Variants in RHBDD1 observed in about 807,000 individuals in gnomAD.
RHBDD1 encodes the protein rhomboid-related protein 4.
Under a neutral mutation model 36.3 loss-of-function variants are expected in RHBDD1, and 38 were observed. The observed-to-expected ratio is 1.05, with a 90% CI of 0.81 to 1.37. The LOEUF (loss-of-function observed/expected upper bound fraction) is 1.37, where lower values mean the gene tolerates loss of function less well. Among genes scored for constraint, RHBDD1 ranks in the 40% most tolerant of loss-of-function variants. RHBDD1 has a pLI of 0.00. For missense variants in RHBDD1, 393 were observed against 377.6 expected (o/e 1.04, Z -0.34); for synonymous variants, 151 against 136.5 (o/e 1.11, Z -0.74).
At chr2:226,831,490 G>A (rs530591781), upstream of RHBDD1, among the ~76,000 whole-genome samples, 17 of 152,168 alleles carry the variant, frequency 1.1e-4, no homozygotes, top group Non-Finnish European at 2.4e-4. Flanking sequence ...CACATGTGGA[G>A]ATGCAGGCAG....
At chr2:226,969,733 T>C (rs1953083107) in intron 8 of RHBDD1, among the ~76,000 whole-genome samples, 1 of 152,246 alleles carries the variant, frequency 6.6e-6, no homozygotes, top group Non-Finnish European at 1.5e-5. Flanking sequence ...GAGTCACTTA[T>C]GCCTAAGTCA....
Position 226,839,072 on chromosome 2 carries a change from G to A in RHBDD1, c.-309-337G>A, listed in dbSNP as rs575419667. On this transcript the variant is annotated intron_variant, in intron 2 of 8. Transcript: ENST00000392062. ...TTTTTTAAAACACGAATTCTTAATA[G>A]CAAAGTGAAAAGTTTTACATTACAT... Among the ~76,000 whole-genome samples, 7 of 152,290 alleles carry A rather than the reference G, an allele frequency of 4.6e-5. No individual in the cohort carries two copies. The East Asian group carries it at 1.3e-3, about 29-fold the overall frequency.
At chr2:226,920,862 A>T (rs1407294039) in intron 8 of RHBDD1, among the ~76,000 whole-genome samples, 1 of 152,140 alleles carries the variant, frequency 6.6e-6, no homozygotes, top group Non-Finnish European at 1.5e-5. Context: ...TCAGGATAAT[A>T]CTGGCCTCAT....
At chr2:226,836,365 TGCCCACACTCG>T (rs1940959487) in intron 1 of RHBDD1, among the ~76,000 whole-genome samples, 1 of 152,212 alleles carries the variant, frequency 6.6e-6, no homozygotes, top group Non-Finnish European at 1.5e-5. Flanking sequence ...GGGAACGACG[TGCCCACACTCG>T]GAGGAAGGGG....
At chr2:226,840,932 A>T (rs556486352) in intron 3 of RHBDD1, among the ~76,000 whole-genome samples, 2 of 152,174 alleles carry the variant, frequency 1.3e-5, no homozygotes, top group African/African-American at 2.4e-5. Flanking sequence ...CTGTGAAAAA[A>T]ATTTCACTAC....
intron 8 of RHBDD1, among the ~76,000 whole-genome samples, chr2:226,953,343 T>C (rs527608585): frequency 6.6e-6 from 1 of 152,240 alleles, no homozygotes; most frequent in African/African-American, 2.4e-5. Context: ...CTTTTTGAAA[T>C]TGTGGAAAAA....
At chr2:226,994,750 G>A (rs1959037223) in intron 8 of RHBDD1, among the ~76,000 whole-genome samples, 1 of 152,130 alleles carries the variant, frequency 6.6e-6, no homozygotes, top group East Asian at 1.9e-4. Context: ...CTGGGAGAAT[G>A]CTTTCTTATG....
At chr2:226,992,013 CTTT>C (rs1208003560) in intron 8 of RHBDD1, among the ~76,000 whole-genome samples, 1 of 152,226 alleles carries the variant, frequency 6.6e-6, no homozygotes, top group African/African-American at 2.4e-5. Flanking sequence ...TGTCCAGATT[CTTT>C]CCTGTGTGCT....
chr2:226,858,405 A>G (rs1943532483), intron 3 of RHBDD1, among the ~76,000 whole-genome samples: 1 of 152,194 alleles, frequency 6.6e-6, no homozygotes, highest in South Asian at 2.1e-4. Context: ...AATCTTCAGA[A>G]CAGCATTTGA....
intron 8 of RHBDD1, among the ~76,000 whole-genome samples, chr2:226,920,701 A>C (rs1949248204): frequency 6.6e-6 from 1 of 152,130 alleles, no homozygotes; most frequent in Non-Finnish European, 1.5e-5. Flanking sequence ...GCTTATGTTA[A>C]ACCATCCTTG....
chr2:226,908,902 A>G, intron 7 of RHBDD1, 24 bp downstream of exon 7: 1 of 1,453,494 alleles, frequency 6.9e-7, no homozygotes, highest in Non-Finnish European at 9.6e-7. Context: ...TTCATTTAAT[A>G]AATTTTAACT....
At chr2:226,886,718 A>C (rs1946244148) in intron 5 of RHBDD1, among the ~76,000 whole-genome samples, 1 of 152,246 alleles carries the variant, frequency 6.6e-6, no homozygotes, top group South Asian at 2.1e-4. Flanking sequence ...CTTGAGAACT[A>C]ACTCCCTAAT....
intron 5 of RHBDD1, among the ~76,000 whole-genome samples, chr2:226,904,156 GGC>G (rs1559252092): frequency 6.6e-6 from 1 of 152,180 alleles, no homozygotes; most frequent in Non-Finnish European, 1.5e-5. Context: ...TTTGTGGAAA[GGC>G]AGAGGGTTCA....
At chr2:226,866,547 G>A (rs1349145070) in intron 4 of RHBDD1, among the ~76,000 whole-genome samples, 1 of 152,218 alleles carries the variant, frequency 6.6e-6, no homozygotes, top group East Asian at 1.9e-4. Context: ...CTACAGATTA[G>A]CTGTGTGATG....
chr2:226,868,311 C>T, intron 5 of RHBDD1, among the ~76,000 whole-genome samples: 1 of 152,164 alleles, frequency 6.6e-6, no homozygotes, highest in East Asian at 1.9e-4. Flanking sequence ...AGAGACTTAT[C>T]AACAAACAGT....
At chr2:226,941,792 A>T (rs925545978) in intron 8 of RHBDD1, among the ~76,000 whole-genome samples, 1 of 152,244 alleles carries the variant, frequency 6.6e-6, no homozygotes, top group Admixed American at 6.5e-5. Flanking sequence ...GCACATACCC[A>T]TAACACAGGC....
intron 1 of RHBDD1, among the ~76,000 whole-genome samples, chr2:226,837,255 T>C (rs916089845): frequency 3.3e-5 from 5 of 152,234 alleles, no homozygotes; most frequent in African/African-American, 9.6e-5. Flanking sequence ...AAAGATGTTA[T>C]TAAGTAACTT....
intron 5 of RHBDD1, among the ~76,000 whole-genome samples, chr2:226,890,636 T>G (rs1014235410): frequency 2.0e-4 from 30 of 152,218 alleles, no homozygotes; most frequent in African/African-American, 7.2e-4. Context: ...TGGTTACAAT[T>G]TAAAGAAACC....
At chr2:226,860,100 A>G (rs1943706972) in intron 3 of RHBDD1, among the ~76,000 whole-genome samples, 1 of 152,232 alleles carries the variant, frequency 6.6e-6, no homozygotes, top group South Asian at 2.1e-4. Flanking sequence ...AGACATGTCA[A>G]GGATCTTTCT....
Sources: allele counts gnomAD v4.1 joint callset (sites outside exome capture counted in the v4.1 genomes callset), GRCh38; gene constraint gnomAD v4.1.1; transcripts MANE v1.5; gene names NCBI Gene and HGNC (gene_info 2026-07-23, HGNC 2026-07-21).